SBF2: variants seen among roughly 807,000 people sequenced by gnomAD.
SBF2 encodes the protein myotubularin-related protein 13.
A neutral mutation model predicts 225.2 loss-of-function variants in SBF2; 112 were observed. The ratio of observed to expected loss-of-function variants is 0.50; its 90% CI spans 0.43 to 0.58. The LOEUF (loss-of-function observed/expected upper bound fraction) is 0.58. Among genes scored for constraint, SBF2 ranks in the 20% least tolerant of loss-of-function variants. The pLI is 0.00. For missense variants in SBF2, 1,996 were observed against 2,206.2 expected (o/e 0.90, Z 1.91); for synonymous variants, 763 against 773.3 (o/e 0.99, Z 0.22).
At chr11:10,272,684 G>A (rs1022813456) in intron 1 of SBF2, among the ~76,000 whole-genome samples, 9 of 151,380 alleles carry the variant, frequency 5.9e-5, no homozygotes, top group Non-Finnish European at 8.8e-5. Flanking sequence ...AGATTGGCTT[G>A]AGCCTGGGAA....
intron 2 of SBF2, among the ~76,000 whole-genome samples, chr11:10,133,819 G>A (rs903412584): frequency 7.9e-5 from 12 of 152,192 alleles, no homozygotes; most frequent in Non-Finnish European, 1.3e-4. Flanking sequence ...CAGGGGAGGT[G>A]CCGAGAGCAA....
intron 2 of SBF2, among the ~76,000 whole-genome samples, chr11:10,148,582 C>T (rs543750409): frequency 6.6e-6 from 1 of 152,098 alleles, no homozygotes; most frequent in South Asian, 2.1e-4. Flanking sequence ...CCAGCCAGGA[C>T]AAAATCTAGG....
intron 1 of SBF2, among the ~76,000 whole-genome samples, chr11:10,265,697 C>T (rs1961915185): frequency 6.6e-6 from 1 of 152,016 alleles, no homozygotes; most frequent in African/African-American, 2.4e-5. Context: ...TAGCTGCCTT[C>T]TTTTTGAGAC....
chr11:10,183,724 C>T (rs1956823305), intron 2 of SBF2, among the ~76,000 whole-genome samples: 1 of 152,130 alleles, frequency 6.6e-6, no homozygotes, highest in Non-Finnish European at 1.5e-5. Flanking sequence ...AAGTCAGGCA[C>T]AGAATGATAA....
intron 17 of SBF2, among the ~76,000 whole-genome samples, chr11:9,873,755 G>C (rs755702517): frequency 6.6e-6 from 1 of 152,158 alleles, no homozygotes; most frequent in African/African-American, 2.4e-5. Flanking sequence ...TCCCTTGAAA[G>C]AGCATATTTC....
At chr11:10,119,934 T>C (rs918092126) in intron 2 of SBF2, among the ~76,000 whole-genome samples, 3 of 152,190 alleles carry the variant, frequency 2.0e-5, no homozygotes, top group African/African-American at 7.2e-5. Flanking sequence ...TATTTTAAAT[T>C]TTCTAATTAT....
chr11:10,216,229 A>G (rs1267213191), intron 1 of SBF2, among the ~76,000 whole-genome samples: 2 of 152,254 alleles, frequency 1.3e-5, no homozygotes, highest in Non-Finnish European at 2.9e-5. Flanking sequence ...AGAAAAAAAT[A>G]AAAATGATTA....
chr11:10,279,778 T>A (rs1963268318), intron 1 of SBF2, among the ~76,000 whole-genome samples: 1 of 152,118 alleles, frequency 6.6e-6, no homozygotes. Context: ...GCCTCCTGAG[T>A]AGCTGGAATT....
intron 2 of SBF2, among the ~76,000 whole-genome samples, chr11:10,185,627 T>TC (rs1956905893): frequency 1.3e-5 from 2 of 151,810 alleles, no homozygotes. Context: ...GCTTTTTTTT[T>TC]TTTTTTTAAT....
chr11:10,038,659 G>A (rs1386228623), intron 3 of SBF2, among the ~76,000 whole-genome samples: 3 of 151,804 alleles, frequency 2.0e-5, no homozygotes, highest in South Asian at 2.1e-4. Flanking sequence ...ATGGAGAAAC[G>A]TATCTTATGT....
intron 3 of SBF2, among the ~76,000 whole-genome samples, chr11:10,038,995 C>T (rs1949550824): frequency 6.6e-6 from 1 of 151,654 alleles, no homozygotes; most frequent in African/African-American, 2.4e-5. Flanking sequence ...ATCACATTAC[C>T]TAGTTGAGTA....
At chr11:10,196,876 T>TTTTTTTTTTTTC (rs71034756) in intron 1 of SBF2, among the ~76,000 whole-genome samples, 33 of 119,102 alleles carry the variant, frequency 2.8e-4, no homozygotes, top group African/African-American at 1.0e-3. Context: ...ATTTTTTTTT[T>TTTTTTTTTTTTC]CCTACAAAAT....
chr11:9,894,979 G>A (rs1039541268), intron 17 of SBF2, among the ~76,000 whole-genome samples: 1 of 152,124 alleles, frequency 6.6e-6, no homozygotes, highest in Non-Finnish European at 1.5e-5. Flanking sequence ...CTAAAACTCT[G>A]TCTCAATAAA....
chr11:10,275,209 A>G (rs2920152), intron 1 of SBF2, among the ~76,000 whole-genome samples: 28,377 of 152,104 alleles, frequency 0.19, 2,808 homozygotes, highest in Middle Eastern at 0.26. Context: ...AAAAAAAAGA[A>G]AGAGAGAACA....
intron 32 of SBF2, among the ~76,000 whole-genome samples, chr11:9,799,385 A>G (rs1311350865): frequency 6.6e-6 from 1 of 152,168 alleles, no homozygotes; most frequent in Non-Finnish European, 1.5e-5. Flanking sequence ...TGGGGGCACT[A>G]TGCATGTGTC....
chr11:10,064,508 A>G (rs1590871726), intron 2 of SBF2, among the ~76,000 whole-genome samples: 1 of 152,326 alleles, frequency 6.6e-6, no homozygotes, highest in East Asian at 1.9e-4. Flanking sequence ...AAGACCACGT[A>G]AAAAAGCAAG....
intron 1 of SBF2, among the ~76,000 whole-genome samples, chr11:10,263,199 C>T (rs2135517754): frequency 6.6e-6 from 1 of 151,918 alleles, no homozygotes; most frequent in South Asian, 2.1e-4. Context: ...AAAATCAGCA[C>T]AATAAATCAA....
chr11:9,806,940 T>C (rs1853887388), intron 32 of SBF2, among the ~76,000 whole-genome samples: 1 of 152,238 alleles, frequency 6.6e-6, no homozygotes, highest in Non-Finnish European at 1.5e-5. Flanking sequence ...TGTAGTGATC[T>C]GGAAAGTTGA....
chr11:10,299,431 C>G (rs1046114023), intron 1 of SBF2, among the ~76,000 whole-genome samples: 7 of 151,892 alleles, frequency 4.6e-5, no homozygotes, highest in African/African-American at 1.7e-4. Context: ...TTGAAGTACC[C>G]CTGACATTAG....
Sources: allele counts gnomAD v4.1 joint callset (sites outside exome capture counted in the v4.1 genomes callset), GRCh38; gene constraint gnomAD v4.1.1; transcripts MANE v1.5; gene names NCBI Gene and HGNC (gene_info 2026-07-23, HGNC 2026-07-21).